Variants in CAMK2G observed in about 807,000 individuals in gnomAD.
The protein encoded by CAMK2G is calcium/calmodulin-dependent protein kinase type II subunit gamma.
Under a neutral mutation model 88.7 loss-of-function variants are expected in CAMK2G, and 23 were observed. The observed-to-expected ratio is 0.26, with a 90% CI of 0.19 to 0.37. CAMK2G has a LOEUF of 0.37. Ranked by LOEUF, CAMK2G falls within the 10% of genes least tolerant of loss-of-function variation. The probability of loss-of-function intolerance (pLI) is 1.00; values close to 1 mark genes in which losing one functional copy is unlikely to be tolerated. For missense variants in CAMK2G, 476 were observed against 780.8 expected (o/e 0.61, Z 4.65); for synonymous variants, 263 against 294.8 (o/e 0.89, Z 1.11).
intron 14 of CAMK2G, among the ~76,000 whole-genome samples, chr10:73,835,222 T>C (rs967285331): frequency 2.6e-5 from 4 of 152,054 alleles, no homozygotes; most frequent in Non-Finnish European, 5.9e-5. Context: ...GTAGCTGCCT[T>C]GTGTCTCTCC....
At chr10:73,834,506 T>C (rs933248015) in intron 14 of CAMK2G, among the ~76,000 whole-genome samples, 2 of 152,198 alleles carry the variant, frequency 1.3e-5, no homozygotes, top group African/African-American at 4.8e-5. Flanking sequence ...CCAGCCCTCA[T>C]CCTCAGGGTT....
rs2084482560 is a variant in CAMK2G at position 73,812,526 on chromosome 10, A to G, written c.*1992T>C. The G allele has an allele frequency of 6.6e-6, 1 of 152,648 alleles. No individual in the cohort carries two copies. The highest frequency in any genetic ancestry group is 2.1e-4 in the South Asian group (1 of 4,832). 9.5% of individuals were successfully genotyped at this position (152,648 alleles called of 1,614,324 possible). On this transcript the variant is annotated 3_prime_UTR_variant, in exon 23 of 23. Coordinates refer to ENST00000423381, the MANE Select transcript of CAMK2G (RefSeq NM_001367534.1). ...GACTGTTTAAAGGTTATTTTATTAAATATTTTCAGTTCAAGGTTTCATTGT... is the reference window on the plus strand; with the variant it reads ...GACTGTTTAAAGGTTATTTTATTAAGTATTTTCAGTTCAAGGTTTCATTGT...
rs557026379 is a variant in CAMK2G at position 73,821,866 on chromosome 10, C to A, written c.1201-136G>T. 7.2e-6 allele frequency: 5 copies of A among 697,806 alleles called. No individual in the cohort carries two copies. The South Asian group carries it at 8.2e-5, about 11-fold the overall frequency. 43.2% of individuals were successfully genotyped at this position (697,806 alleles called of 1,614,324 possible). ...GTGGAAGGTTCTGCTTCCACCCTGG[C>A]TGTCTGACTCTTCCCAAATCCCCTC... is the stretch of plus-strand genomic sequence containing the variant. On this transcript the variant is annotated intron_variant, in intron 17 of 22. Transcript: ENST00000423381.
At chr10:73,825,483 T>A in intron 15 of CAMK2G, 136 bp from the exon 16 acceptor site, 1 of 679,054 alleles carries the variant, frequency 1.5e-6, no homozygotes, top group Non-Finnish European at 2.7e-6. Flanking sequence ...GCTGTGTAGA[T>A]GGGAGCGATG....
At chr10:73,825,693 G>C (rs957488471) in intron 15 of CAMK2G, among the ~76,000 whole-genome samples, 10 of 152,200 alleles carry the variant, frequency 6.6e-5, no homozygotes, top group Admixed American at 1.3e-4. Flanking sequence ...CAGGAAAAAG[G>C]GGGGTAGTTT....
chr10:73,818,911 T>A (rs766170346), intron 19 of CAMK2G: 2 of 441,686 alleles, frequency 4.5e-6, no homozygotes, highest in Non-Finnish European at 9.2e-6. Context: ...AATATGAGGA[T>A]GAGCTACTGA....
At chr10:73,873,724 T>TG (rs1211898434) in intron 1 of CAMK2G, among the ~76,000 whole-genome samples, 6 of 18,240 alleles carry the variant, frequency 3.3e-4, no homozygotes, top group Non-Finnish European at 5.2e-4. Flanking sequence ...TGGAAACGTC[T>TG]GGGGGGGCGG....
intron 22 of CAMK2G, chr10:73,814,786 A>T: frequency 1.8e-6 from 1 of 561,282 alleles, no homozygotes; most frequent in Non-Finnish European, 3.2e-6. Context: ...GAGGGGAAGT[A>T]ACCTGTCTGA....
chr10:73,819,867 G>C (rs1005402528), intron 18 of CAMK2G, among the ~76,000 whole-genome samples: 1 of 152,210 alleles, frequency 6.6e-6, no homozygotes, highest in African/African-American at 2.4e-5. Context: ...CAGGTGCCCA[G>C]ACCTGGGCTG....
rs2093808430 is a variant in CAMK2G at position 73,841,825 on chromosome 10, T to C, written c.946+344A>G. The stretch of plus-strand genomic sequence containing the variant: ...TCACTGTACCTCATCTCTCTTTTCT[T>C]CCCCCAGCACATCCTCCAAGATCCT... On this transcript the variant is annotated intron_variant, in intron 12 of 22. Coordinates refer to ENST00000423381, the MANE Select transcript of CAMK2G (RefSeq NM_001367534.1). 3.8e-5 allele frequency: 9 copies of C among 237,484 alleles called. No individual in the cohort carries two copies. The South Asian group carries it at 7.0e-4, about 18-fold the overall frequency. The allele number at this position is 237,484 out of a possible 1,614,324, so 14.7% of individuals were successfully genotyped here.
Position 73,839,613 on chromosome 10 carries a change from C to T in CAMK2G, c.947-12G>A, listed in dbSNP as rs1056063169. ...GCTCTGCCTGCCAACTGAGGGGATA[C>T]AGTCTCTCAGTGCACAGAGCCCCGC... On this transcript the variant is annotated splice_polypyrimidine_tract_variant and intron_variant, in intron 12 of 22. Transcript: ENST00000423381. The surrounding 1 kb of genome is among the most constrained non-coding windows in gnomAD (Gnocchi z 4.2). The T allele has an allele frequency of 4.1e-6, 5 of 1,226,276 alleles. No homozygotes were observed. The highest frequency in any genetic ancestry group is 3.2e-5 in the East Asian group (1 of 31,620). 76.0% of individuals were successfully genotyped at this position (1,226,276 alleles called of 1,614,324 possible). A position where few individuals can be genotyped will look rare whatever the true frequency, so the allele number is the denominator to read the frequency against.
At chr10:73,855,691 G>C (rs981595339) in intron 3 of CAMK2G, among the ~76,000 whole-genome samples, 2 of 152,244 alleles carry the variant, frequency 1.3e-5, no homozygotes, top group African/African-American at 4.8e-5. Flanking sequence ...GGAAGCCGGG[G>C]AAGGGAATTA....
chr10:73,859,819 T>G (rs1255738372), intron 3 of CAMK2G, among the ~76,000 whole-genome samples: 1 of 152,208 alleles, frequency 6.6e-6, no homozygotes, highest in African/African-American at 2.4e-5. Context: ...AGAGCTCACT[T>G]TGACTGTTCT....
At position 73,832,075 on chromosome 10, in the gene CAMK2G, A is replaced by T. The variant is rs1183188011; in HGVS notation, c.1054-3954T>A. Among the ~76,000 whole-genome samples, 8 of 152,040 alleles carry T rather than the reference A, an allele frequency of 5.3e-5. No homozygotes were observed. The East Asian group carries it at 1.6e-3, about 29-fold the overall frequency. On this transcript the variant is annotated intron_variant, in intron 14 of 22. Coordinates refer to ENST00000423381, the MANE Select transcript of CAMK2G (RefSeq NM_001367534.1). ...TATTATGCTTTACTTTAAAAAAAAA[A>T]TAGTATTTAAAAAAAATTCTGATAA... is the stretch of plus-strand genomic sequence containing the variant.
rs1341749619 is a variant in CAMK2G at position 73,825,297 on chromosome 10, C to T, written c.1137G>A (p.Ala379=). 9.3e-6 allele frequency: 15 copies of T among 1,613,564 alleles called. No homozygotes were observed. The highest frequency in any genetic ancestry group is 4.5e-5 in the East Asian group (2 of 44,898). ...NSLVSPAQEP[A]PLQTAMEPQT... is the part of the protein sequence containing the mutation. ...GAGGTACCATGGCCGTCTGCAAGGG[C>T]GCGGGCTCTTGGGCTGGGCTTACGA... The change falls in exon 16 of 23, where the codon GCG becomes GCA. Residue 379 remains alanine (A), a synonymous_variant. Transcript: ENST00000423381.
chr10:73,828,895 G>A (rs1418150308), intron 14 of CAMK2G, among the ~76,000 whole-genome samples: 1 of 152,152 alleles, frequency 6.6e-6, no homozygotes, highest in Non-Finnish European at 1.5e-5. Flanking sequence ...TGAAACAGAC[G>A]CATCAAGATG....
At chr10:73,829,020 G>A (rs1405585576) in intron 14 of CAMK2G, among the ~76,000 whole-genome samples, 4 of 152,150 alleles carry the variant, frequency 2.6e-5, no homozygotes, top group African/African-American at 7.2e-5. Context: ...TAATATGTCC[G>A]TCTGTCGTTC....
chr10:73,825,490 G>A (rs2090615793), intron 15 of CAMK2G, 143 bp from the exon 16 acceptor site: 4 of 658,826 alleles, frequency 6.1e-6, no homozygotes, highest in Admixed American at 2.4e-5. Context: ...AGATGGGAGC[G>A]ATGGCTAGAG....
At chr10:73,835,461 T>TA (rs1227027184) in intron 14 of CAMK2G, among the ~76,000 whole-genome samples, 28 of 151,466 alleles carry the variant, frequency 1.8e-4, no homozygotes, top group African/African-American at 6.8e-4. Flanking sequence ...TATGCCCAGT[T>TA]AATTTTTTTT....
Sources: gnomAD v4.1 joint callset for allele counts (sites outside exome capture counted in the v4.1 genomes callset) on GRCh38, gnomAD v4.1.1 for gene constraint, Gnocchi (gnomAD v3.1) non-coding constraint, MANE v1.5 for transcripts, NCBI Gene and HGNC (gene_info 2026-07-23, HGNC 2026-07-21) for gene names.